AIPL1: variants seen among roughly 807,000 people sequenced by gnomAD.
The protein encoded by AIPL1 is aryl-hydrocarbon-interacting protein-like 1.
A neutral mutation model predicts 32.9 loss-of-function variants in AIPL1; 23 were observed. The ratio of observed to expected loss-of-function variants is 0.70; its 90% CI spans 0.50 to 0.99. The LOEUF is 0.99. Among genes scored for constraint, AIPL1 ranks in the 50% least tolerant of loss-of-function variants. AIPL1 has a pLI of 0.00. For missense variants in AIPL1, 485 were observed against 506.0 expected, an observed-to-expected ratio of 0.96 and a Z score of 0.40; for synonymous variants, 210 against 209.4, an observed-to-expected ratio of 1.00 and a Z score of -0.02.
rs937436842 is a variant in AIPL1 at position 6,425,826 on chromosome 17, G to A, written c.789C>T (p.Ile263=). 1.9e-6 allele frequency: 3 copies of A among 1,603,246 alleles called. No individual in the cohort carries two copies. Among genetic ancestry groups the A allele is most frequent in the East Asian group, 2.2e-5 (1 of 44,808 alleles). The change falls in exon 6 of 6, where the codon ATC becomes ATT. Residue 263 remains isoleucine (I), a synonymous_variant. Transcript: ENST00000381129. ...GGGCACGCACGTAGTAGGCCTTCAC[G>A]ATGCCTGTGGGGAGCAGGGAGCATC... The part of the protein sequence containing the change: ...TSDILRHHPG[I]VKAYYVRARA...
chr17:6,434,155 G>A, intron 1 of AIPL1, 57 bp from the exon 2 acceptor site: 2 of 1,586,534 alleles, frequency 1.3e-6, no homozygotes, highest in Non-Finnish European at 1.7e-6. Flanking sequence ...CCCGGCAGAA[G>A]CCACCCCCTT....
intron 1 of AIPL1, 166 bp downstream of exon 1, chr17:6,434,843 G>T: frequency 8.0e-7 from 1 of 1,252,810 alleles, no homozygotes. Flanking sequence ...TACCAAAAAT[G>T]CCCCCTGAAT....
Position 6,425,293 on chromosome 17 carries a change from G to T in AIPL1, c.*167C>A, listed in dbSNP as rs905905472. ...ACTACTTTTATTCATAAGCTCTTCT[G>T]TACCCTTGGGATTGTTTTTTTTTTT... On this transcript the variant is annotated 3_prime_UTR_variant, in exon 6 of 6. Coordinates refer to ENST00000381129, the MANE Select transcript of AIPL1 (RefSeq NM_014336.5). The T allele has an allele frequency of 9.0e-6, 8 of 887,570 alleles. No homozygotes were observed. Among genetic ancestry groups the T allele is most frequent in the African/African-American group, 1.8e-5 (1 of 57,022 alleles). 55.0% of individuals were successfully genotyped at this position (887,570 alleles called of 1,614,324 possible).
At chr17:6,432,430 T>G (rs1912692262) in intron 2 of AIPL1, among the ~76,000 whole-genome samples, 1 of 152,006 alleles carries the variant, frequency 6.6e-6, no homozygotes, top group Non-Finnish European at 1.5e-5. Context: ...AAAAGGCACT[T>G]GAGAGACGCA....
chr17:6,433,897 C>CAG, intron 2 of AIPL1, 22 bp downstream of exon 2: 1 of 1,611,440 alleles, frequency 6.2e-7, no homozygotes, highest in Non-Finnish European at 8.5e-7. Context: ...TCCCAGGAGA[C>CAG]AGGCGCGCAG....
chr17:6,425,621 T>A lies in AIPL1; in HGVS notation c.994A>T (p.Thr332Ser). ...GTGGGTGGCTCTGCGGGAGGCTGCG[T>A]GGCACCCTGGCTCAGCATGTTCCGG... ...RCRNMLSQGA[T>S]QPPAEPPTEP... The change falls in exon 6 of 6, where the codon ACG (threonine) becomes TCG (serine). Residue 332 changes from threonine to serine, a missense_variant. Thr to Ser is a moderately conservative substitution (Grantham distance 58). Coordinates refer to ENST00000381129, the MANE Select transcript of AIPL1 (RefSeq NM_014336.5). 1 of 1,613,104 alleles carries A rather than the reference T, an allele frequency of 6.2e-7. No individual in the cohort carries two copies. The highest frequency in any genetic ancestry group is 8.5e-7 in the Non-Finnish European group (1 of 1,179,884).
chr17:6,434,468 C>T (rs1384503589), intron 1 of AIPL1, among the ~76,000 whole-genome samples: 3 of 149,636 alleles, frequency 2.0e-5, no homozygotes, highest in Non-Finnish European at 4.4e-5. Context: ...AAGTGATTCT[C>T]CTGCCTCAGT....
chr17:6,426,925 T>TG lies in AIPL1; in HGVS notation c.597dup (p.Lys200GlnfsTer49), dbSNP rs1283508592. ...AGGCAGATGATGGCCTCCTGGTACT[T>TG]GGAAGAGGCCTCCTCGTAGCGGCCC... On this transcript the variant is annotated frameshift_variant, in exon 4 of 6. Transcript: ENST00000381129. LOFTEE classifies it high-confidence loss of function. 4 of 1,614,094 alleles carry TG rather than the reference T, an allele frequency of 2.5e-6. No individual in the cohort carries two copies. The highest frequency in any genetic ancestry group is 3.4e-6 in the Non-Finnish European group (4 of 1,180,044).
intron 2 of AIPL1, among the ~76,000 whole-genome samples, chr17:6,433,611 T>TCTCTCTCTCTCTCTCTCTCTCTCA (rs758622569): frequency 1.9e-5 from 2 of 106,300 alleles, no homozygotes; most frequent in African/African-American, 7.4e-5. Context: ...TCTCTCTCTC[T>TCTCTCTCTCTCTCTCTCTCTCTCA]CACACACACA....
intron 1 of AIPL1, among the ~76,000 whole-genome samples, chr17:6,434,587 T>C (rs1225298591): frequency 6.6e-6 from 1 of 152,120 alleles, no homozygotes; most frequent in Non-Finnish European, 1.5e-5. Context: ...CTCGAACTCT[T>C]GACCTCATGA....
In AIPL1 at chr17:6,425,399, T is replaced by C; in HGVS notation, c.*61A>G. On this transcript the variant is annotated 3_prime_UTR_variant, in exon 6 of 6. Coordinates refer to ENST00000381129, the MANE Select transcript of AIPL1 (RefSeq NM_014336.5). ...AAAGTGACACCACGATCCTGGTCAA[T>C]CGAACCAGAAGTGACCAGGCCACTT... 6.6e-7 allele frequency: 1 copy of C among 1,506,232 alleles called. No individual in the cohort carries two copies. Among genetic ancestry groups the C allele is most frequent in the Non-Finnish European group, 8.8e-7 (1 of 1,133,186 alleles). The allele number at this position is 1,506,232 out of a possible 1,614,324, so 93.3% of individuals were successfully genotyped here.
chr17:6,427,216 G>A, intron 3 of AIPL1, 159 bp from the exon 4 acceptor site: 1 of 766,924 alleles, frequency 1.3e-6, no homozygotes, highest in South Asian at 1.6e-5. Flanking sequence ...CGAAAACCCT[G>A]CCCTAAATCA....
intron 2 of AIPL1, among the ~76,000 whole-genome samples, chr17:6,429,345 C>G (rs1356575032): frequency 1.3e-5 from 2 of 152,332 alleles, no homozygotes; most frequent in African/African-American, 4.8e-5. Context: ...GGCTGAAACT[C>G]TATGCAGCAG....
chr17:6,426,011 A>ACCT, intron 5 of AIPL1, 181 bp from the exon 6 acceptor site: 1 of 1,020,042 alleles, frequency 9.8e-7, no homozygotes, highest in Non-Finnish European at 1.4e-6. Flanking sequence ...TAATAGCAGT[A>ACCT]CCTCCTCCTC....
chr17:6,425,705 C>T lies in AIPL1; in HGVS notation c.910G>A (p.Glu304Lys). Residue 304 changes from glutamate (E) to lysine (K), a missense_variant, in exon 6 of 6, where the codon GAG becomes AAG. Coordinates refer to ENST00000381129, the MANE Select transcript of AIPL1 (RefSeq NM_014336.5). ...EPSMQKAVRR[E>K]LRLLENRMAE... Reference sequence around the variant, plus strand: ...ATGCGGTTCTCCAGCAGCCTCAGCTCCCTGCGCACCGCCTTCTGCATGGAC... The same window carrying T: ...ATGCGGTTCTCCAGCAGCCTCAGCTTCCTGCGCACCGCCTTCTGCATGGAC... 1.2e-6 allele frequency: 2 copies of T among 1,608,350 alleles called. No homozygotes were observed. Among genetic ancestry groups the T allele is most frequent in the East Asian group, 2.2e-5 (1 of 44,874 alleles).
At position 6,428,606 on chromosome 17, in the gene AIPL1, C is replaced by T. The variant is rs371908918; in HGVS notation, c.277-100G>A. The T allele has an allele frequency of 1.1e-5, 13 of 1,130,946 alleles. No homozygotes were observed. The East Asian group carries it at 2.4e-4, about 21-fold the overall frequency. The allele number at this position is 1,130,946 out of a possible 1,614,324, so 70.1% of individuals were successfully genotyped here. A position where few individuals can be genotyped will look rare whatever the true frequency, so the allele number is the denominator to read the frequency against. On this transcript the variant is annotated intron_variant, in intron 2 of 5. Transcript: ENST00000381129. Reference sequence around the variant, plus strand: ...AGAGCCCCTCCTGGGAGGAATCCTGCTCCCTCACTATGCCACTCATACTAA... The same window carrying T: ...AGAGCCCCTCCTGGGAGGAATCCTGTTCCCTCACTATGCCACTCATACTAA...
At position 6,433,904 on chromosome 17, in the gene AIPL1, G is replaced by T. The variant is rs781192944; in HGVS notation, c.276+15C>A. The T allele has an allele frequency of 2.5e-6, 4 of 1,591,972 alleles. No individual in the cohort carries two copies. In the African/African-American group the frequency reaches 4.5e-5, roughly 18 times the overall value. Reference sequence around the variant, plus strand: ...AAGACTAGTCCCAGGAGACAGGCGCGCAGGGCCTACTTACGATGGTGTCGC... The same window carrying T: ...AAGACTAGTCCCAGGAGACAGGCGCTCAGGGCCTACTTACGATGGTGTCGC... On this transcript the variant is annotated intron_variant, in intron 2 of 5. Transcript: ENST00000381129.
chr17:6,432,550 G>T (rs1021979419), intron 2 of AIPL1, among the ~76,000 whole-genome samples: 8 of 151,986 alleles, frequency 5.3e-5, no homozygotes, highest in Admixed American at 4.6e-4. Context: ...ATTCAACAGT[G>T]ACTGGATATT....
intron 2 of AIPL1, among the ~76,000 whole-genome samples, chr17:6,431,904 A>G (rs1043672128): frequency 6.6e-6 from 1 of 152,188 alleles, no homozygotes; most frequent in Non-Finnish European, 1.5e-5. Flanking sequence ...AAAGAGAGAA[A>G]GAGAGAGAGA....
Sources: gnomAD v4.1 joint callset for allele counts (sites outside exome capture counted in the v4.1 genomes callset) on GRCh38, gnomAD v4.1.1 for gene constraint, MANE v1.5 for transcripts, NCBI Gene and HGNC (gene_info 2026-07-23, HGNC 2026-07-21) for gene names.